The following TRMT44 variants were observed in gnomAD, a reference collection of about 807,000 sequenced individuals.
TRMT44 encodes the protein probable tRNA (uracil-O(2)-)-methyltransferase.
A neutral mutation model predicts 77.3 loss-of-function variants in TRMT44; 78 were observed. That is an observed-to-expected ratio of 1.01 (90% CI 0.84 to 1.22). The LOEUF (loss-of-function observed/expected upper bound fraction) is 1.22, where lower values mean the gene tolerates loss of function less well. Ranked by LOEUF, TRMT44 falls within the 50% of genes most tolerant of loss-of-function variation. The pLI, the probability that TRMT44 is intolerant of heterozygous loss-of-function variation, is 0.00. For synonymous variants in TRMT44, 391 were observed against 383.3 expected, an observed-to-expected ratio of 1.02 and a Z score of -0.23; for missense variants, 1,090 against 964.4, an observed-to-expected ratio of 1.13 and a Z score of -1.73.
intron 2 of TRMT44, among the ~76,000 whole-genome samples, chr4:8,448,894 G>C (rs1229220803): frequency 6.6e-6 from 1 of 152,244 alleles, no homozygotes; most frequent in Non-Finnish European, 1.5e-5. Flanking sequence ...CAGTGGCTGG[G>C]ATCTGCTTGT....
At chr4:8,496,858 A>T (rs1047019014), downstream of TRMT44, among the ~76,000 whole-genome samples, 10 of 151,642 alleles carry the variant, frequency 6.6e-5, no homozygotes, top group Admixed American at 5.9e-4. Flanking sequence ...ATTGATTTTT[A>T]AAAGGAGTTT....
In TRMT44 at chr4:8,460,777, C is replaced by G. The variant is rs1726102763; in HGVS notation, c.1204-3208C>G. On this transcript the variant is annotated intron_variant, in intron 6 of 10. Coordinates refer to ENST00000389737, the MANE Select transcript of TRMT44 (RefSeq NM_152544.3). Reference sequence around the variant, plus strand: ...CCATGTTGGCCAGGCTGATCTGGCTCTGGCCTCAAGTGATCCACCTGCCTC... The same window carrying G: ...CCATGTTGGCCAGGCTGATCTGGCTGTGGCCTCAAGTGATCCACCTGCCTC... Among the ~76,000 whole-genome samples, 4 of 152,000 alleles carry G rather than the reference C, an allele frequency of 2.6e-5. No individual in the cohort carries two copies. The South Asian group carries it at 8.3e-4, about 31-fold the overall frequency.
Position 8,452,760 on chromosome 4 carries a change from T to G in TRMT44, c.1024-122T>G. On this transcript the variant is annotated intron_variant, in intron 4 of 10. Coordinates refer to ENST00000389737, the MANE Select transcript of TRMT44 (RefSeq NM_152544.3). The surrounding 1 kb of genome is among the most constrained non-coding windows in gnomAD (Gnocchi z 5.7). ...AAAAAAAGAAAAAAAAAAAAGAATG[T>G]TTAGTGTAGATGATTTCAAGTTTCC... 2 of 549,754 alleles carry G rather than the reference T, an allele frequency of 3.6e-6. No individual in the cohort carries two copies. Among genetic ancestry groups the G allele is most frequent in the Non-Finnish European group, 6.3e-6 (2 of 319,218 alleles). The allele number at this position is 549,754 out of a possible 1,614,324, so 34.1% of individuals were successfully genotyped here.
rs748317842 is a variant in TRMT44 at position 8,475,804 on chromosome 4, C to CGA, written c.2081_2082dup (p.Glu695ArgfsTer111). The CGA allele has an allele frequency of 4.3e-6, 7 of 1,614,014 alleles. No homozygotes were observed. The African/African-American group carries it at 5.3e-5, about 12-fold the overall frequency. Reference sequence around the variant, plus strand: ...TGGGAGAGTTCACATCCGCGACTGGCGAGAGGAGACACTGTGGAAGACAAA... The same window carrying CGA: ...TGGGAGAGTTCACATCCGCGACTGGCGAGAGAGGAGACACTGTGGAAGACAAA... On this transcript the variant is annotated frameshift_variant, in exon 11 of 11. Coordinates refer to ENST00000389737, the MANE Select transcript of TRMT44 (RefSeq NM_152544.3). LOFTEE classifies it low-confidence loss of function (END_TRUNC).
chr4:8,485,670 G>A (rs1276616984), intron 2 of TRMT44, among the ~76,000 whole-genome samples: 2 of 152,132 alleles, frequency 1.3e-5, no homozygotes, highest in Non-Finnish European at 2.9e-5. Context: ...CTTTGGGTTG[G>A]GGAGAAGGGC....
downstream of TRMT44, among the ~76,000 whole-genome samples, chr4:8,498,077 C>T (rs1003661048): frequency 5.9e-5 from 9 of 152,230 alleles, no homozygotes; most frequent in Admixed American, 2.6e-4. The surrounding 1 kb of genome is among the most constrained non-coding windows in gnomAD (Gnocchi z 4.3). Context: ...CAGTGGAAGA[C>T]GTCAGGAGAG....
chr4:8,451,883 T>C lies in TRMT44; in HGVS notation c.955-77T>C. ...GATTAGTCCAGTTTGATTTATGCTT[T>C]ATAGGGATACTTAAAGTATTGGGAA... On this transcript the variant is annotated intron_variant, in intron 3 of 10. Transcript: ENST00000389737. This position sits in a 1 kb window ranked among gnomAD's most constrained non-coding sequence, Gnocchi z 4.1. The C allele has an allele frequency of 7.6e-7, 1 of 1,313,440 alleles. No homozygotes were observed. Among genetic ancestry groups the C allele is most frequent in the Non-Finnish European group, 1.1e-6 (1 of 944,336 alleles). The allele number at this position is 1,313,440 out of a possible 1,614,324, so 81.4% of individuals were successfully genotyped here. A position where few individuals can be genotyped will look rare whatever the true frequency, so the allele number is the denominator to read the frequency against.
chr4:8,451,534 C>T lies in TRMT44; in HGVS notation c.955-426C>T, dbSNP rs114868533. Among the ~76,000 whole-genome samples the T allele has an allele frequency of 6.4e-3, 981 of 152,272 alleles. 12 individuals are homozygous for T. The highest frequency in any genetic ancestry group is 0.022 in the African/African-American group (933 of 41,548). ...CTTTATCCCTGTTTGACAGGTAGGG[C>T]GACAGCAGCCACTGATGGACCAGGG... On this transcript the variant is annotated intron_variant, in intron 3 of 10. Coordinates refer to ENST00000389737, the MANE Select transcript of TRMT44 (RefSeq NM_152544.3). The surrounding 1 kb of genome is among the most constrained non-coding windows in gnomAD (Gnocchi z 4.1).
chr4:8,466,875 T>C (rs1178530453), intron 8 of TRMT44, among the ~76,000 whole-genome samples: 2 of 152,172 alleles, frequency 1.3e-5, no homozygotes, highest in Admixed American at 1.3e-4. Context: ...TGGTGGGGAC[T>C]GGGTGTGTGA....
Position 8,468,179 on chromosome 4 carries a change from C to G in TRMT44, c.1760C>G (p.Pro587Arg). The G allele has an allele frequency of 6.2e-7, 1 of 1,614,178 alleles. No homozygotes were observed. The highest frequency in any genetic ancestry group is 8.5e-7 in the Non-Finnish European group (1 of 1,180,038). Residue 587 changes from proline to arginine, a missense_variant, in exon 9 of 11, where the codon CCT becomes CGT. By Grantham distance (103) the Pro-to-Arg change is moderately radical. Transcript: ENST00000389737. ...CCCCAGGCTGAAGGACCCTGGCTAC[C>G]TGGATTTCATCCCAGAGAAAAGGCT... is the stretch of plus-strand genomic sequence containing the variant. ...AGPQAEGPWL[P>R]GFHPREKAER...
chr4:8,449,949 C>CTTTTTTTTTCTTTTTT, intron 3 of TRMT44, 61 bp downstream of exon 3: 7 of 238,676 alleles, frequency 2.9e-5, no homozygotes, highest in South Asian at 6.0e-5. Flanking sequence ...CTTTTCTTTT[C>CTTTTTTTTTCTTTTTT]TTTTTTTTTT....
chr4:8,474,611 G>A (rs993412548), intron 10 of TRMT44, among the ~76,000 whole-genome samples: 4 of 152,246 alleles, frequency 2.6e-5, no homozygotes, highest in African/African-American at 7.2e-5. Flanking sequence ...GGCAGAATTC[G>A]AGCTTTAATT....
intron 9 of TRMT44, among the ~76,000 whole-genome samples, chr4:8,469,814 G>A (rs567811287): frequency 4.6e-5 from 7 of 152,382 alleles, no homozygotes; most frequent in Admixed American, 1.3e-4. Flanking sequence ...AGGGCCTTTG[G>A]TCGCCCCCAC....
chr4:8,502,576 C>T, the TRMT44 span, among the ~76,000 whole-genome samples: 2 of 152,232 alleles, frequency 1.3e-5, no homozygotes, highest in Non-Finnish European at 2.9e-5. Context: ...TCCACACTCA[C>T]CAGGATGTTG....
Position 8,465,529 on chromosome 4 carries a change from G to T in TRMT44, c.1462G>T (p.Glu488Ter), listed in dbSNP as rs1385711127. 3 of 1,613,562 alleles carry T rather than the reference G, an allele frequency of 1.9e-6. No homozygotes were observed. The highest frequency in any genetic ancestry group is 2.5e-6 in the Non-Finnish European group (3 of 1,179,840). ...CTTCACCTGTGGGTTTCACGTGGAC[G>T]AAGACTGCCTCAGGATTCCTTCAAC... Reference protein sequence around the residue: ...VGFTCGFHVDEDCLRIPSTKR... With the variant: ...VGFTCGFHVD The change falls in exon 8 of 11, where the codon GAA becomes TAA. Residue 488 changes from glutamate (E) to a stop codon, truncating the protein, a stop_gained. Transcript: ENST00000389737. LOFTEE classifies it high-confidence loss of function.
chr4:8,490,888 A>T (rs1158979565), intron 2 of TRMT44, among the ~76,000 whole-genome samples: 1 of 152,164 alleles, frequency 6.6e-6, no homozygotes. Flanking sequence ...CCTGAGCTAG[A>T]TACAAAGGTT....
intron 2 of TRMT44, among the ~76,000 whole-genome samples, chr4:8,482,592 G>A (rs1727658188): frequency 6.6e-6 from 1 of 152,194 alleles, no homozygotes; most frequent in African/African-American, 2.4e-5. Flanking sequence ...GGGCAGGAGT[G>A]GGGGTCGCAA....
chr4:8,441,931 A>G (rs1277991029), intron 1 of TRMT44, among the ~76,000 whole-genome samples: 1 of 152,248 alleles, frequency 6.6e-6, no homozygotes, highest in African/African-American at 2.4e-5. Context: ...GTTCGGGGCG[A>G]AAGGGTGAAA....
rs986912479 is a variant in TRMT44 at position 8,449,858 on chromosome 4, A to G, written c.924A>G (p.Glu308=). The change falls in exon 3 of 11, where the codon GAA becomes GAG. Residue 308 remains glutamate (E), a synonymous_variant. Coordinates refer to ENST00000389737, the MANE Select transcript of TRMT44 (RefSeq NM_152544.3). Reference sequence around the variant, plus strand: ...TGAAGTATAGCAAGGCTTACCAGGAACTTAAAGAGAAGTATAAGGAAATGG... The same window carrying G: ...TGAAGTATAGCAAGGCTTACCAGGAGCTTAAAGAGAAGTATAAGGAAATGG... ...SIMKYSKAYQ[E]LKEKYKEMVK... The G allele has an allele frequency of 2.2e-5, 34 of 1,534,846 alleles. No homozygotes were observed. The highest frequency in any genetic ancestry group is 1.1e-4 in the African/African-American group (8 of 72,964).
Sources: allele counts gnomAD v4.1 joint callset (sites outside exome capture counted in the v4.1 genomes callset), GRCh38; gene constraint gnomAD v4.1.1; non-coding constraint Gnocchi (gnomAD v3.1); transcripts MANE v1.5; gene names NCBI Gene and HGNC (gene_info 2026-07-23, HGNC 2026-07-21).